SLC45A4: variants seen among roughly 807,000 people sequenced by gnomAD.
SLC45A4 encodes polyamine-transporter SLC45A4.
A neutral mutation model predicts 63.7 loss-of-function variants in SLC45A4; 32 were observed. The ratio of observed to expected loss-of-function variants is 0.50; its 90% CI spans 0.38 to 0.67. The LOEUF (loss-of-function observed/expected upper bound fraction) is 0.67, where lower values mean the gene tolerates loss of function less well. Among genes scored for constraint, SLC45A4 ranks in the 30% least tolerant of loss-of-function variants. The probability of loss-of-function intolerance (pLI) is 0.00; values close to 1 mark genes in which losing one functional copy is unlikely to be tolerated. For missense variants in SLC45A4, 1,027 were observed against 1,157.7 expected (o/e 0.89, Z 1.64); for synonymous variants, 535 against 510.0 (o/e 1.05, Z -0.66).
intron 1 of SLC45A4, among the ~76,000 whole-genome samples, chr8:141,306,006 C>T (rs1408767830): frequency 6.6e-6 from 1 of 152,164 alleles, no homozygotes; most frequent in East Asian, 1.9e-4. Flanking sequence ...TACAGGCTTG[C>T]TCCGCCCCTC....
intron 1 of SLC45A4, among the ~76,000 whole-genome samples, chr8:141,282,406 T>C (rs1355779015): frequency 6.6e-6 from 1 of 152,122 alleles, no homozygotes; most frequent in Admixed American, 6.5e-5. Context: ...CAGCCACTAG[T>C]CAAGCTCACC....
intron 2 of SLC45A4, chr8:141,228,145 T>C: frequency 6.2e-7 from 1 of 1,613,526 alleles, no homozygotes; most frequent in Admixed American, 1.7e-5. Context: ...GTGATCTGGG[T>C]GGAGGCAGCA....
Position 141,277,777 on chromosome 8 carries a change from C to T in SLC45A4, c.-400-23148G>A, listed in dbSNP as rs1022510631. Among the ~76,000 whole-genome samples the T allele has an allele frequency of 3.3e-5, 5 of 152,048 alleles. No individual in the cohort carries two copies. The East Asian group carries it at 9.6e-4, about 29-fold the overall frequency. ...GCCTCAGCCTCCAGAGTAGCTGGGACTACAGGCGCCCACCACCACGCCCGG... is the reference window on the plus strand; with the variant it reads ...GCCTCAGCCTCCAGAGTAGCTGGGATTACAGGCGCCCACCACCACGCCCGG... On this transcript the variant is annotated intron_variant, in intron 1 of 8. Coordinates refer to ENST00000517878, the MANE Select transcript of SLC45A4 (RefSeq NM_001286646.2).
chr8:141,301,657 C>A (rs1830746199), intron 1 of SLC45A4, among the ~76,000 whole-genome samples: 1 of 144,342 alleles, frequency 6.9e-6, no homozygotes, highest in Admixed American at 7.2e-5. Flanking sequence ...ATCACTTGAG[C>A]CGGGGAGGTC....
intron 1 of SLC45A4, among the ~76,000 whole-genome samples, chr8:141,266,065 T>C (rs913226289): frequency 6.6e-6 from 1 of 152,226 alleles, no homozygotes; most frequent in Non-Finnish European, 1.5e-5. Flanking sequence ...GAGTTGCTGC[T>C]GACACACACC....
rs1013889127 is a variant in SLC45A4 at position 141,219,517 on chromosome 8, G to C, written c.610+133C>G. ...GCCCCTGGTTACCTTCCAGCCCTAA[G>C]ACCCTGCCCACTGCCTCAACCCTCC... On this transcript the variant is annotated intron_variant, in intron 4 of 8. Transcript: ENST00000517878. The C allele has an allele frequency of 3.5e-6, 4 of 1,154,728 alleles. No homozygotes were observed. In the African/African-American group the frequency reaches 6.2e-5, roughly 18 times the overall value. The allele number at this position is 1,154,728 out of a possible 1,614,324, so 71.5% of individuals were successfully genotyped here.
chr8:141,243,289 AG>A (rs1203174199), intron 2 of SLC45A4, among the ~76,000 whole-genome samples: 1 of 152,166 alleles, frequency 6.6e-6, no homozygotes, highest in Non-Finnish European at 1.5e-5. Context: ...GATGTGACCG[AG>A]AGCAGCTCCG....
At chr8:141,244,392 T>A (rs1385942338) in intron 2 of SLC45A4, among the ~76,000 whole-genome samples, 1 of 152,094 alleles carries the variant, frequency 6.6e-6, no homozygotes. Flanking sequence ...CCAAGGCAGG[T>A]CAATTTCTCC....
intron 2 of SLC45A4, among the ~76,000 whole-genome samples, chr8:141,240,383 G>A (rs538252597): frequency 1.3e-5 from 2 of 152,270 alleles, no homozygotes; most frequent in South Asian, 4.1e-4. Flanking sequence ...GAACCAAGAA[G>A]AAAACAATCA....
rs549258885 is a variant in SLC45A4, at chr8:141,210,828, T to C, written c.*744A>G. ...TGCGGGGCCTCCCTGTCTCCTGATC[T>C]CAGTAAGCCTACACCGACCGTTTCA... On this transcript the variant is annotated 3_prime_UTR_variant, in exon 9 of 9. Coordinates refer to ENST00000517878, the MANE Select transcript of SLC45A4 (RefSeq NM_001286646.2). 1 of 152,360 alleles carries C rather than the reference T, an allele frequency of 6.6e-6. No homozygotes were observed. The highest frequency in any genetic ancestry group is 1.9e-4 in the East Asian group (1 of 5,190). 9.4% of individuals were successfully genotyped at this position (152,360 alleles called of 1,614,324 possible).
chr8:141,228,276 T>A, intron 2 of SLC45A4: 1 of 1,613,266 alleles, frequency 6.2e-7, no homozygotes, highest in Non-Finnish European at 8.5e-7. Flanking sequence ...TAGATGATGC[T>A]GTCCCTGCCG....
At chr8:141,244,633 A>C (rs1828078851) in intron 2 of SLC45A4, among the ~76,000 whole-genome samples, 1 of 152,198 alleles carries the variant, frequency 6.6e-6, no homozygotes, top group African/African-American at 2.4e-5. Flanking sequence ...CAGAGGGGCC[A>C]GGCCAGGCGG....
Position 141,245,195 on chromosome 8 carries a change from C to G in SLC45A4, c.241+8794G>C, listed in dbSNP as rs538315734. Reference sequence around the variant, plus strand: ...ATATGTGTCAACTCTGCACACGTTTCCAGAAGAAAGGAGATGCTGGTATCT... The same window carrying G: ...ATATGTGTCAACTCTGCACACGTTTGCAGAAGAAAGGAGATGCTGGTATCT... On this transcript the variant is annotated intron_variant, in intron 2 of 8. Coordinates refer to ENST00000517878, the MANE Select transcript of SLC45A4 (RefSeq NM_001286646.2). 1.2e-3 allele frequency among the ~76,000 whole-genome samples: 185 copies of G among 152,244 alleles called. 1 individual carries two copies. The highest frequency in any genetic ancestry group is 6.8e-3 in the Middle Eastern group (2 of 294).
intron 1 of SLC45A4, among the ~76,000 whole-genome samples, chr8:141,263,626 T>C (rs1376006331): frequency 6.6e-6 from 1 of 150,440 alleles, no homozygotes; most frequent in East Asian, 1.9e-4. Context: ...AAAAATTAGC[T>C]GGGCATGGTG....
intron 2 of SLC45A4, among the ~76,000 whole-genome samples, chr8:141,243,718 C>T (rs1355118483): frequency 6.6e-6 from 1 of 151,972 alleles, no homozygotes; most frequent in African/African-American, 2.4e-5. Flanking sequence ...GATTTTCTTC[C>T]GCTTCTGCCA....
At chr8:141,291,002 C>T (rs1267209388) in intron 1 of SLC45A4, among the ~76,000 whole-genome samples, 2 of 152,170 alleles carry the variant, frequency 1.3e-5, no homozygotes, top group Non-Finnish European at 2.9e-5. Context: ...GTGCCTGCCA[C>T]CATGCCGGGC....
In SLC45A4 at chr8:141,208,570, G is replaced by C. The variant is rs1290062209; in HGVS notation, c.*3002C>G. On this transcript the variant is annotated 3_prime_UTR_variant, in exon 9 of 9. Coordinates refer to ENST00000517878, the MANE Select transcript of SLC45A4 (RefSeq NM_001286646.2). The stretch of plus-strand genomic sequence containing the variant: ...TCCCAGGGGCCTGAGGCTTTCAAGG[G>C]CAGGTGTCCAAGAGGCAGCACACAG... 2.0e-5 allele frequency: 3 copies of C among 152,502 alleles called. No individual in the cohort carries two copies. The highest frequency in any genetic ancestry group is 7.2e-5 in the African/African-American group (3 of 41,470). 9.4% of individuals were successfully genotyped at this position (152,502 alleles called of 1,614,324 possible). A position where few individuals can be genotyped will look rare whatever the true frequency, so the allele number is the denominator to read the frequency against.
chr8:141,271,721 C>T (rs1829529234), intron 1 of SLC45A4, among the ~76,000 whole-genome samples: 1 of 152,212 alleles, frequency 6.6e-6, no homozygotes, highest in Admixed American at 6.5e-5. Context: ...CAGGGGAAGT[C>T]CGCAGTTCAC....
chr8:141,300,361 G>GT (rs1830701905), intron 1 of SLC45A4, among the ~76,000 whole-genome samples: 1 of 152,218 alleles, frequency 6.6e-6, no homozygotes, highest in Admixed American at 6.5e-5. Context: ...GGAAGTGGTG[G>GT]TTTTTTGGTT....
Sources: gnomAD v4.1 joint callset for allele counts (sites outside exome capture counted in the v4.1 genomes callset) on GRCh38, gnomAD v4.1.1 for gene constraint, MANE v1.5 for transcripts, NCBI Gene and HGNC (gene_info 2026-07-23, HGNC 2026-07-21) for gene names.